Variants in DPH6 observed in about 807,000 individuals in gnomAD.
DPH6 encodes the protein diphthine--ammonia ligase.
Under a neutral mutation model 38.2 loss-of-function variants are expected in DPH6, and 33 were observed. That is an observed-to-expected ratio of 0.86 (90% CI 0.65 to 1.15). DPH6 has a LOEUF of 1.15. Ranked by LOEUF, DPH6 falls within the 50% of genes most tolerant of loss-of-function variation. The pLI is 0.00. For missense variants in DPH6, 325 were observed against 320.0 expected, an observed-to-expected ratio of 1.02 and a Z score of -0.12; for synonymous variants, 108 against 103.0, an observed-to-expected ratio of 1.05 and a Z score of -0.30.
the DPH6 span, among the ~76,000 whole-genome samples, chr15:35,162,030 C>A: frequency 6.6e-6 from 1 of 151,930 alleles, no homozygotes; most frequent in African/African-American, 2.4e-5. Context: ...TCCTGCATTC[C>A]TCATCCAAAT....
chr15:35,162,921 A>G, the DPH6 span, among the ~76,000 whole-genome samples: 1 of 151,894 alleles, frequency 6.6e-6, no homozygotes, highest in Non-Finnish European at 1.5e-5. Context: ...GAACCCCATA[A>G]GCAAATTGGT....
At chr15:35,459,895 T>C (rs560450016) in intron 3 of DPH6, among the ~76,000 whole-genome samples, 8 of 152,204 alleles carry the variant, frequency 5.3e-5, no homozygotes, top group Non-Finnish European at 1.0e-4. Context: ...TTTATCTTAT[T>C]TCAGTTATTC....
chr15:35,233,024 G>C (rs1369505300), intron 3 of DPH6, among the ~76,000 whole-genome samples: 1 of 151,992 alleles, frequency 6.6e-6, no homozygotes, highest in Non-Finnish European at 1.5e-5. Flanking sequence ...AAAGAATGAA[G>C]GGACTGGCCG....
chr15:35,394,960 A>G (rs962531183), intron 6 of DPH6, among the ~76,000 whole-genome samples: 2 of 151,956 alleles, frequency 1.3e-5, no homozygotes, highest in African/African-American at 4.8e-5. Context: ...CTGATAGATA[A>G]CAAACCTTAG....
intron 3 of DPH6, among the ~76,000 whole-genome samples, chr15:35,534,391 A>AG (rs200916885): frequency 0.021 from 3,226 of 151,436 alleles, 105 homozygotes; most frequent in African/African-American, 0.074. Flanking sequence ...AAAAAAAAAA[A>AG]AAAAGAAAAG....
At chr15:35,171,197 C>T in the DPH6 span, among the ~76,000 whole-genome samples, 4 of 152,224 alleles carry the variant, frequency 2.6e-5, no homozygotes, top group African/African-American at 9.6e-5. Context: ...AAGCAAAATG[C>T]TTCCTTTTAA....
the DPH6 span, among the ~76,000 whole-genome samples, chr15:35,197,387 A>C: frequency 1.3e-5 from 2 of 152,344 alleles, no homozygotes; most frequent in South Asian, 2.1e-4. Flanking sequence ...CAAAAGGCCA[A>C]TCATGTAGAA....
the DPH6 span, among the ~76,000 whole-genome samples, chr15:35,203,601 CAAAT>C: frequency 6.6e-6 from 1 of 151,608 alleles, no homozygotes. Context: ...ATATAGCTAC[CAAAT>C]AAATGTCATA....
At chr15:35,383,757 C>T (rs771250068) in intron 6 of DPH6, among the ~76,000 whole-genome samples, 1 of 152,194 alleles carries the variant, frequency 6.6e-6, no homozygotes, top group Non-Finnish European at 1.5e-5. Context: ...CTACAAGCTT[C>T]AAGCTCTAAT....
At chr15:35,210,256 T>C in the DPH6 span, among the ~76,000 whole-genome samples, 8 of 152,334 alleles carry the variant, frequency 5.3e-5, no homozygotes, top group Admixed American at 5.2e-4. Flanking sequence ...GAGTTCTTAC[T>C]TAACTGGACA....
intron 3 of DPH6, among the ~76,000 whole-genome samples, chr15:35,498,487 A>C (rs1210535683): frequency 6.6e-6 from 1 of 152,122 alleles, no homozygotes. Flanking sequence ...TCAAAGCATA[A>C]AGTTAAGGAT....
chr15:35,386,412 G>A (rs1285556445), intron 6 of DPH6, among the ~76,000 whole-genome samples: 1 of 152,220 alleles, frequency 6.6e-6, no homozygotes. Flanking sequence ...AGATCCCTGA[G>A]GAGTCGCCAC....
chr15:35,153,275 C>A, the DPH6 span, among the ~76,000 whole-genome samples: 12 of 152,114 alleles, frequency 7.9e-5, no homozygotes, highest in African/African-American at 2.9e-4. Flanking sequence ...AACCTGCCAA[C>A]TTCTGCAACA....
chr15:35,189,503 C>T, the DPH6 span, among the ~76,000 whole-genome samples: 1 of 152,158 alleles, frequency 6.6e-6, no homozygotes, highest in African/African-American at 2.4e-5. Flanking sequence ...TGATTTAAGA[C>T]CCTGGAAAAT....
chr15:35,205,989 T>C, the DPH6 span, among the ~76,000 whole-genome samples: 1 of 152,156 alleles, frequency 6.6e-6, no homozygotes, highest in Non-Finnish European at 1.5e-5. Flanking sequence ...AGAGAGCTCC[T>C]AGCAGTCTTT....
chr15:35,502,734 AAT>A (rs2054643382), intron 3 of DPH6, among the ~76,000 whole-genome samples: 1 of 151,700 alleles, frequency 6.6e-6, no homozygotes, highest in East Asian at 1.9e-4. Context: ...AAATTGCAAC[AAT>A]ATGTTACACA....
At chr15:35,284,309 T>G (rs1275163423) in intron 3 of DPH6, among the ~76,000 whole-genome samples, 1 of 152,176 alleles carries the variant, frequency 6.6e-6, no homozygotes, top group Non-Finnish European at 1.5e-5. Context: ...AAATCATCCA[T>G]GAGGAATAAA....
chr15:35,149,689 C>T, the DPH6 span, among the ~76,000 whole-genome samples: 2 of 152,212 alleles, frequency 1.3e-5, no homozygotes, highest in Non-Finnish European at 2.9e-5. Context: ...AGCCAATGTA[C>T]ACTTTTCTAT....
At chr15:35,369,610 G>T, downstream of DPH6, among the ~76,000 whole-genome samples, 1 of 139,222 alleles carries the variant, frequency 7.2e-6, no homozygotes, top group Non-Finnish European at 1.5e-5. Context: ...CCACCTTAAA[G>T]CCTGTTATAT....
Sources: gnomAD v4.1 joint callset for allele counts (sites outside exome capture counted in the v4.1 genomes callset) on GRCh38, gnomAD v4.1.1 for gene constraint, MANE v1.5 for transcripts, NCBI Gene and HGNC (gene_info 2026-07-23, HGNC 2026-07-21) for gene names.